The following EDIL3 variants were observed in gnomAD, a reference collection of about 807,000 sequenced individuals.
The protein encoded by EDIL3 is EGF-like repeat and discoidin I-like domain-containing protein 3.
EDIL3 carries 37 observed loss-of-function variants against 67.4 expected under a neutral mutation model. The ratio of observed to expected loss-of-function variants is 0.55; its 90% confidence interval spans 0.42 to 0.72. The LOEUF (loss-of-function observed/expected upper bound fraction) is 0.72. Among genes scored for constraint, EDIL3 ranks in the 30% least tolerant of loss-of-function variants. The pLI is 0.00. For synonymous variants in EDIL3, 195 were observed against 196.3 expected, an observed-to-expected ratio of 0.99 and a Z score of 0.05; for missense variants, 527 against 586.3, an observed-to-expected ratio of 0.90 and a Z score of 1.04.
chr5:84,257,887 A>T (rs1745149189), intron 1 of EDIL3, among the ~76,000 whole-genome samples: 2 of 152,136 alleles, frequency 1.3e-5, no homozygotes, highest in Admixed American at 1.3e-4. Flanking sequence ...ACCAACAAAT[A>T]AGTGAGGAAA....
chr5:84,382,797 C>CT (rs1168028681), intron 1 of EDIL3, among the ~76,000 whole-genome samples: 1 of 152,092 alleles, frequency 6.6e-6, no homozygotes, highest in Non-Finnish European at 1.5e-5. Flanking sequence ...TGCCTATTAA[C>CT]TGGAAGGGCA....
intron 9 of EDIL3, among the ~76,000 whole-genome samples, chr5:83,980,622 A>G (rs1580263323): frequency 6.6e-6 from 1 of 150,458 alleles, no homozygotes; most frequent in South Asian, 2.1e-4. Flanking sequence ...TGGGAGGCGG[A>G]GGTTAAAGTG....
intron 2 of EDIL3, among the ~76,000 whole-genome samples, chr5:84,244,264 A>G (rs1462675421): frequency 6.6e-6 from 1 of 152,090 alleles, no homozygotes; most frequent in African/African-American, 2.4e-5. Flanking sequence ...CCAACCTATC[A>G]AAACACTTAT....
At chr5:84,209,046 T>TA (rs1435805458) in intron 3 of EDIL3, among the ~76,000 whole-genome samples, 1 of 152,102 alleles carries the variant, frequency 6.6e-6, no homozygotes, top group African/African-American at 2.4e-5. Context: ...TATGCAGCCA[T>TA]AAAAAATGAT....
chr5:84,235,854 G>A (rs1744672042), intron 2 of EDIL3, among the ~76,000 whole-genome samples: 2 of 151,772 alleles, frequency 1.3e-5, no homozygotes, highest in Admixed American at 6.6e-5. Context: ...GGGTAGGAAG[G>A]AAACAATATA....
intron 9 of EDIL3, among the ~76,000 whole-genome samples, chr5:83,972,778 AATG>A (rs1744815336): frequency 6.6e-6 from 1 of 152,110 alleles, no homozygotes; most frequent in African/African-American, 2.4e-5. Flanking sequence ...GAGTTAATAA[AATG>A]ATATTATAAA....
chr5:84,344,234 C>T (rs1283908760), intron 1 of EDIL3, among the ~76,000 whole-genome samples: 2 of 152,078 alleles, frequency 1.3e-5, no homozygotes, highest in African/African-American at 4.8e-5. Context: ...TAATTTATTA[C>T]AATTGGCACC....
At chr5:83,957,322 T>C (rs1744532333) in intron 10 of EDIL3, among the ~76,000 whole-genome samples, 1 of 151,744 alleles carries the variant, frequency 6.6e-6, no homozygotes, top group Non-Finnish European at 1.5e-5. Flanking sequence ...AATTCCATTT[T>C]ATTTACTCCC....
chr5:84,024,982 CT>C (rs943591845), intron 9 of EDIL3, among the ~76,000 whole-genome samples: 4 of 152,000 alleles, frequency 2.6e-5, no homozygotes, highest in Non-Finnish European at 4.4e-5. Context: ...CTCTCTCTCC[CT>C]TTTTTTCCTT....
chr5:84,024,076 C>T (rs937090212), intron 9 of EDIL3, among the ~76,000 whole-genome samples: 3 of 152,142 alleles, frequency 2.0e-5, no homozygotes, highest in African/African-American at 7.2e-5. Context: ...CACAGATTAG[C>T]TTTGGTATTT....
intron 8 of EDIL3, among the ~76,000 whole-genome samples, chr5:84,062,596 A>G (rs1226771628): frequency 1.3e-5 from 2 of 152,064 alleles, no homozygotes; most frequent in Non-Finnish European, 2.9e-5. Flanking sequence ...GTCATAATCT[A>G]TTTTATTCCA....
At chr5:84,254,638 G>A (rs1745093930) in intron 1 of EDIL3, among the ~76,000 whole-genome samples, 1 of 152,152 alleles carries the variant, frequency 6.6e-6, no homozygotes, top group Admixed American at 6.5e-5. Flanking sequence ...ATCTGGGCTT[G>A]TCCATGTGAC....
At chr5:84,055,061 C>T (rs1746417851) in intron 9 of EDIL3, among the ~76,000 whole-genome samples, 5 of 146,304 alleles carry the variant, frequency 3.4e-5, no homozygotes. Flanking sequence ...TCAAACTGTA[C>T]TACAAGGCTA....
chr5:84,136,686 C>T (rs1469793421), intron 5 of EDIL3, among the ~76,000 whole-genome samples: 3 of 152,092 alleles, frequency 2.0e-5, no homozygotes, highest in African/African-American at 4.8e-5. Flanking sequence ...CAGAGGCTAA[C>T]TGATTTATTT....
intron 1 of EDIL3, among the ~76,000 whole-genome samples, chr5:84,269,849 C>A (rs1580046893): frequency 6.6e-6 from 1 of 152,142 alleles, no homozygotes; most frequent in African/African-American, 2.4e-5. Flanking sequence ...GCCATCTTCT[C>A]TAATCTCCCC....
chr5:84,197,872 T>C (rs377734714), intron 3 of EDIL3, among the ~76,000 whole-genome samples: 3 of 151,874 alleles, frequency 2.0e-5, no homozygotes, highest in Non-Finnish European at 2.9e-5. Context: ...ATTTAAGACA[T>C]TTAAGCAAGA....
intron 9 of EDIL3, among the ~76,000 whole-genome samples, chr5:83,965,464 A>G (rs1481238281): frequency 6.6e-6 from 1 of 152,068 alleles, no homozygotes; most frequent in East Asian, 1.9e-4. Context: ...ACATGGAAAA[A>G]AAAGTCTTAA....
Position 84,137,200 on chromosome 5 carries a change from CA to C in EDIL3, c.469+40del, listed in dbSNP as rs750116975. ...GTGTATACATACACACACACACACACACACACACACACACACACATACACAC... is the reference window on the plus strand; with the variant it reads ...GTGTATACATACACACACACACACACCACACACACACACACACATACACAC... On this transcript the variant is annotated intron_variant, in intron 5 of 10. Coordinates refer to ENST00000296591, the MANE Select transcript of EDIL3 (RefSeq NM_005711.5). 9.2e-6 allele frequency: 13 copies of C among 1,411,700 alleles called. No individual in the cohort carries two copies. In the South Asian group the frequency reaches 1.5e-4, roughly 17 times the overall value. The allele number at this position is 1,411,700 out of a possible 1,614,324, so 87.4% of individuals were successfully genotyped here. A position where few individuals can be genotyped will look rare whatever the true frequency, so the allele number is the denominator to read the frequency against.
intron 3 of EDIL3, among the ~76,000 whole-genome samples, chr5:84,204,342 G>A (rs1743913268): frequency 6.6e-6 from 1 of 151,994 alleles, no homozygotes; most frequent in South Asian, 2.1e-4. Flanking sequence ...TTTGAACATT[G>A]TCTACTCTGA....
Sources: allele counts gnomAD v4.1 joint callset (sites outside exome capture counted in the v4.1 genomes callset), GRCh38; gene constraint gnomAD v4.1.1; transcripts MANE v1.5; gene names NCBI Gene and HGNC (gene_info 2026-07-23, HGNC 2026-07-21).